The following OVGP1 variants were observed in gnomAD, a reference collection of about 807,000 sequenced individuals.
The protein encoded by OVGP1 is oviductal glycoprotein 1.
In OVGP1, 26 loss-of-function variants were observed where a neutral mutation model predicts 48.2. The observed-to-expected ratio is 0.54, with a 90% confidence interval of 0.40 to 0.75. The LOEUF is 0.75. Among genes scored for constraint, OVGP1 ranks in the 30% least tolerant of loss-of-function variants. OVGP1 has a pLI of 0.00. For synonymous variants in OVGP1, 294 were observed against 305.7 expected, an observed-to-expected ratio of 0.96 and a Z score of 0.40; for missense variants, 791 against 820.6, an observed-to-expected ratio of 0.96 and a Z score of 0.44.
rs569513400 is a variant in OVGP1 at position 111,426,729 on chromosome 1, G to A, written c.56-88C>T. 76 of 1,555,296 alleles carry A rather than the reference G, an allele frequency of 4.9e-5. 1 individual carries two copies. In the South Asian group the frequency reaches 9.0e-4, roughly 19 times the overall value. On this transcript the variant is annotated intron_variant, in intron 2 of 10. Transcript: ENST00000369732. ...AGAAAGCAATGTGAACGCAGCCCAAGAGACCAGGCCACATTTTCACATCCT... is the reference window on the plus strand; with the variant it reads ...AGAAAGCAATGTGAACGCAGCCCAAAAGACCAGGCCACATTTTCACATCCT...
Position 111,426,599 on chromosome 1 carries a change from T to G in OVGP1, c.98A>C (p.His33Pro), listed in dbSNP as rs927627409. 22 of 1,613,960 alleles carry G rather than the reference T, an allele frequency of 1.4e-5. No homozygotes were observed. Among genetic ancestry groups the G allele is most frequent in the Non-Finnish European group, 1.8e-5 (21 of 1,179,980 alleles). The change falls in exon 3 of 11, where the codon CAC becomes CCC. Residue 33 changes from histidine (H) to proline (P), a missense_variant. Coordinates refer to ENST00000369732, the MANE Select transcript of OVGP1 (RefSeq NM_002557.4). ...KLVCYFTNWA[H>P]SRPGPASILP... Reference sequence around the variant, plus strand: ...GATCGAGGCAGGGCCTGGCCGACTGTGTGCCCAGTTGGTGAAATAACACAC... The same window carrying G: ...GATCGAGGCAGGGCCTGGCCGACTGGGTGCCCAGTTGGTGAAATAACACAC...
chr1:111,416,412 G>A lies in OVGP1; in HGVS notation c.1067C>T (p.Thr356Ile). The A allele has an allele frequency of 1.9e-6, 3 of 1,607,884 alleles. No individual in the cohort carries two copies. The highest frequency in any genetic ancestry group is 1.7e-6 in the Non-Finnish European group (2 of 1,177,186). ...GCCCCTGACGTCATCCATGTCCAATGTCCACACCATGGCCCCCCCAAAATG... is the reference window on the plus strand; with the variant it reads ...GCCCCTGACGTCATCCATGTCCAATATCCACACCATGGCCCCCCCAAAATG... ...REHFGGAMVW[T>I]LDMDDVRGTF... The change falls in exon 10 of 11, where the codon ACA (threonine) becomes ATA (isoleucine). Residue 356 changes from threonine (T) to isoleucine (I), a missense_variant. Thr to Ile is a moderately conservative substitution (Grantham distance 89). Transcript: ENST00000369732.
chr1:111,426,667 T>C (rs1652405903), intron 2 of OVGP1, 26 bp from the exon 3 acceptor site: 1 of 1,608,768 alleles, frequency 6.2e-7, no homozygotes, highest in Non-Finnish European at 8.5e-7. Flanking sequence ...ACACATTAGT[T>C]GGCAAAAACC....
At chr1:111,426,299 G>A (rs112117021) in intron 3 of OVGP1, 138 bp downstream of exon 3, 8 of 1,166,858 alleles carry the variant, frequency 6.9e-6, no homozygotes, top group African/African-American at 1.5e-5. Flanking sequence ...TCAAGTTGGG[G>A]GTGCTCTGGA....
At chr1:111,418,744 A>G (rs552600204) in intron 9 of OVGP1, among the ~76,000 whole-genome samples, 61 of 152,326 alleles carry the variant, frequency 4.0e-4, no homozygotes, top group Middle Eastern at 3.4e-3. Flanking sequence ...ATGCCAACTT[A>G]GCATTTGGAA....
intron 8 of OVGP1, 52 bp downstream of exon 8, chr1:111,421,224 G>T (rs1255051905): frequency 1.3e-6 from 2 of 1,518,742 alleles, no homozygotes; most frequent in Non-Finnish European, 8.9e-7. Flanking sequence ...CTTTGCTCCA[G>T]CTGGGGGTGG....
chr1:111,419,801 C>T, intron 8 of OVGP1, 75 bp from the exon 9 acceptor site: 1 of 892,904 alleles, frequency 1.1e-6, no homozygotes. Context: ...GTTCCTTGCC[C>T]AAGGATAAAG....
chr1:111,424,691 C>G (rs1054496328), intron 4 of OVGP1, among the ~76,000 whole-genome samples: 5 of 152,230 alleles, frequency 3.3e-5, no homozygotes, highest in Non-Finnish European at 7.3e-5. Context: ...GTTCTCACCC[C>G]CCTGCCCTGA....
chr1:111,425,359 A>G (rs1384603442), intron 4 of OVGP1, 24 bp downstream of exon 4: 2 of 1,613,236 alleles, frequency 1.2e-6, no homozygotes, highest in East Asian at 4.5e-5. Context: ...TCCCAGGGAG[A>G]AGAGAATAAC....
At chr1:111,415,997 C>G (rs1652126088) in intron 10 of OVGP1, among the ~76,000 whole-genome samples, 1 of 152,204 alleles carries the variant, frequency 6.6e-6, no homozygotes, top group Admixed American at 6.5e-5. Context: ...AGCCCTTGCC[C>G]ATGAGAGTAA....
intron 4 of OVGP1, among the ~76,000 whole-genome samples, chr1:111,424,688 C>T (rs1001562634): frequency 1.3e-5 from 2 of 152,202 alleles, no homozygotes; most frequent in Non-Finnish European, 2.9e-5. Flanking sequence ...CTAGTTCTCA[C>T]CCCCCTGCCC....
At chr1:111,424,041 T>C (rs1308460598) in intron 4 of OVGP1, among the ~76,000 whole-genome samples, 3 of 152,222 alleles carry the variant, frequency 2.0e-5, no homozygotes, top group Admixed American at 2.0e-4. Context: ...CAAAACATGG[T>C]ATGCCCACTG....
Position 111,415,300 on chromosome 1 carries a change from C to T in OVGP1, c.1201G>A (p.Val401Met), listed in dbSNP as rs768600198. 1.9e-5 allele frequency: 30 copies of T among 1,612,760 alleles called. No individual in the cohort carries two copies. Among genetic ancestry groups the T allele is most frequent in the Non-Finnish European group, 2.4e-5 (28 of 1,179,020 alleles). ...TCAGGGTCAGTGCTTGAAGAATTCA[C>T]AGCAGATGACAGCCAAAATTGTGGT... ...SLPQFWLSSA[V>M]NSSSTDPERL... The change falls in exon 11 of 11, where the codon GTG becomes ATG. Residue 401 changes from valine to methionine, a missense_variant. Physicochemically the swap from Val to Met is conservative, Grantham distance 21. Transcript: ENST00000369732.
intron 10 of OVGP1, 66 bp downstream of exon 10, chr1:111,416,257 G>C: frequency 7.1e-7 from 1 of 1,415,014 alleles, no homozygotes; most frequent in Non-Finnish European, 9.4e-7. Context: ...AGATCTAGCA[G>C]AAGGGCCTTA....
In OVGP1 at chr1:111,414,594, AGAG is replaced by A; in HGVS notation, c.1904_1906del (p.Pro635del). On this transcript the variant is annotated inframe_deletion, in exon 11 of 11. Coordinates refer to ENST00000369732, the MANE Select transcript of OVGP1 (RefSeq NM_002557.4). ...GGGAACAAAGCGGTTGTCAAAAGCT[AGAG>A]GAGTTTGTTCCGGGAGCTGGATGAC... is the stretch of plus-strand genomic sequence containing the variant. The A allele has an allele frequency of 6.2e-7, 1 of 1,614,168 alleles. No homozygotes were observed. Among genetic ancestry groups the A allele is most frequent in the Non-Finnish European group, 8.5e-7 (1 of 1,180,032 alleles).
rs1652067247 is a variant in OVGP1 at position 111,414,434 on chromosome 1, G to T, written c.*30C>A. ...ATGTCACTTAGAAGAAAAGACAAGGGTTTTCCCTGGTTTCTGACACCAGAG... is the reference window on the plus strand; with the variant it reads ...ATGTCACTTAGAAGAAAAGACAAGGTTTTTCCCTGGTTTCTGACACCAGAG... On this transcript the variant is annotated 3_prime_UTR_variant, in exon 11 of 11. Coordinates refer to ENST00000369732, the MANE Select transcript of OVGP1 (RefSeq NM_002557.4). 6.4e-7 allele frequency: 1 copy of T among 1,568,566 alleles called. No individual in the cohort carries two copies. Among genetic ancestry groups the T allele is most frequent in the Admixed American group, 1.9e-5 (1 of 53,656 alleles).
At chr1:111,426,326 A>C in intron 3 of OVGP1, 111 bp downstream of exon 3, 2 of 1,476,484 alleles carry the variant, frequency 1.4e-6, no homozygotes, top group Non-Finnish European at 1.8e-6. Flanking sequence ...TTTGAGAGGA[A>C]GGTAGGACTG....
chr1:111,424,976 C>T (rs796202629), intron 4 of OVGP1, among the ~76,000 whole-genome samples: 18 of 152,332 alleles, frequency 1.2e-4, no homozygotes, highest in African/African-American at 3.6e-4. Context: ...TATTTCCTTT[C>T]CTCTGTTCCA....
chr1:111,423,485 C>G, intron 5 of OVGP1, 58 bp downstream of exon 5: 1 of 1,566,472 alleles, frequency 6.4e-7, no homozygotes, highest in East Asian at 2.2e-5. Flanking sequence ...CTGCCATAAG[C>G]CTAGATATAT....
Sources: allele counts gnomAD v4.1 joint callset (sites outside exome capture counted in the v4.1 genomes callset), GRCh38; gene constraint gnomAD v4.1.1; transcripts MANE v1.5; gene names NCBI Gene and HGNC (gene_info 2026-07-23, HGNC 2026-07-21).